Variants in SOX5 observed in about 807,000 individuals in gnomAD.
SOX5 encodes transcription factor SOX-5.
SOX5 carries 9 observed loss-of-function variants against 92.0 expected under a neutral mutation model. The observed-to-expected ratio is 0.10, with a 90% CI of 0.06 to 0.17. The LOEUF is 0.17. Ranked by LOEUF, SOX5 falls within the 10% of genes least tolerant of loss-of-function variation. The pLI, the probability that SOX5 is intolerant of heterozygous loss-of-function variation, is 1.00. For missense variants in SOX5, 642 were observed against 944.5 expected (o/e 0.68, Z 4.20); for synonymous variants, 344 against 336.3 (o/e 1.02, Z -0.25).
chr12:23,846,125 T>C lies in SOX5; in HGVS notation c.339A>G (p.Ala113=), dbSNP rs563794241. 1.4e-5 allele frequency: 22 copies of C among 1,614,158 alleles called. No homozygotes were observed. In the African/African-American group the frequency reaches 2.3e-4, roughly 17 times the overall value. ...CGCCACTCTGTCGCCCACCTTCTTC[T>C]GCCTTCTGAGGTGAGGTAGATGAGT... ...PHNSSTSPQK[A]EEGGRQSGES... The change falls in exon 3 of 15, where the codon GCA becomes GCG. Residue 113 remains alanine, a synonymous_variant. Transcript: ENST00000451604.
At chr12:23,834,325 A>G (rs1298265985) in intron 3 of SOX5, among the ~76,000 whole-genome samples, 1 of 151,970 alleles carries the variant, frequency 6.6e-6, no homozygotes, top group Non-Finnish European at 1.5e-5. Context: ...AGGGAGAACA[A>G]TAGGGTAGAG....
intron 6 of SOX5, among the ~76,000 whole-genome samples, chr12:23,722,844 A>G (rs1463426777): frequency 6.6e-6 from 1 of 152,180 alleles, no homozygotes; most frequent in Non-Finnish European, 1.5e-5. Flanking sequence ...AAGTGACTGT[A>G]GCTGTCAGTT....
At chr12:23,775,974 C>T (rs1167454245) in intron 3 of SOX5, among the ~76,000 whole-genome samples, 1 of 152,088 alleles carries the variant, frequency 6.6e-6, no homozygotes, top group Non-Finnish European at 1.5e-5. Flanking sequence ...GAGTGGGGAA[C>T]GATGGTTTCG....
intron 4 of SOX5, among the ~76,000 whole-genome samples, chr12:23,999,260 T>A (rs1276503971): frequency 6.6e-6 from 1 of 151,274 alleles, no homozygotes; most frequent in Admixed American, 6.6e-5. Flanking sequence ...AAAAAATGAA[T>A]GCTTAGAAGC....
chr12:24,016,671 A>T (rs1447345115), intron 4 of SOX5, among the ~76,000 whole-genome samples: 2 of 152,236 alleles, frequency 1.3e-5, no homozygotes, highest in African/African-American at 2.4e-5. Flanking sequence ...TGGGTATATC[A>T]CAACCCCAAA....
chr12:23,842,804 C>A (rs910154407), intron 3 of SOX5, among the ~76,000 whole-genome samples: 1 of 152,072 alleles, frequency 6.6e-6, no homozygotes, highest in African/African-American at 2.4e-5. Flanking sequence ...ATAAATCTCC[C>A]ATGTAGAAAA....
intron 11 of SOX5, among the ~76,000 whole-genome samples, chr12:23,559,287 A>C (rs1014841358): frequency 1.3e-5 from 2 of 152,202 alleles, no homozygotes; most frequent in East Asian, 1.9e-4. Context: ...CATACCTGAG[A>C]AGCTCACTTT....
At chr12:24,214,972 ACATAC>A (rs1215890524) in intron 3 of SOX5, among the ~76,000 whole-genome samples, 1 of 152,124 alleles carries the variant, frequency 6.6e-6, no homozygotes, top group African/African-American at 2.4e-5. Flanking sequence ...ATATCAAATA[ACATAC>A]CATACCATAT....
intron 3 of SOX5, among the ~76,000 whole-genome samples, chr12:23,815,156 T>C (rs185065820): frequency 2.6e-3 from 396 of 152,146 alleles, no homozygotes; most frequent in Middle Eastern, 0.01. Flanking sequence ...TCATAATCTA[T>C]ATAAAGCATG....
chr12:23,715,292 CAAAAT>C (rs373690969), intron 6 of SOX5, among the ~76,000 whole-genome samples: 3,185 of 147,928 alleles, frequency 0.022, 118 homozygotes, highest in African/African-American at 0.077. Flanking sequence ...GACTCCATCT[CAAAAT>C]AAAATAAAAT....
At chr12:23,937,797 A>G (rs974019838) in intron 1 of SOX5, among the ~76,000 whole-genome samples, 3 of 150,930 alleles carry the variant, frequency 2.0e-5, no homozygotes, top group Non-Finnish European at 3.0e-5. Flanking sequence ...TGCATTATTT[A>G]GCTGAAGAAA....
In SOX5 at chr12:24,479,996, T is replaced by C. The variant is rs555888763; in HGVS notation, c.-251+82333A>G. 2.3e-4 allele frequency among the ~76,000 whole-genome samples: 35 copies of C among 152,276 alleles called. No homozygotes were observed. The East Asian group carries it at 6.2e-3, about 27-fold the overall frequency. On this transcript the variant is annotated intron_variant, in intron 1 of 4. Coordinates refer to the SOX5 transcript ENST00000446891. ...GAATTATTTTAAAAACCATAATAGT[T>C]AATGCTTATTTGATATGTATTAAGC...
chr12:24,512,586 G>A (rs530707070), intron 1 of SOX5, among the ~76,000 whole-genome samples: 14 of 152,318 alleles, frequency 9.2e-5, no homozygotes, highest in African/African-American at 3.1e-4. Context: ...GAGTGGTGGA[G>A]AGTGCAATAC....
intron 1 of SOX5, among the ~76,000 whole-genome samples, chr12:23,927,948 A>C (rs1940427678): frequency 6.6e-6 from 1 of 152,090 alleles, no homozygotes. Context: ...AGAACCCAGA[A>C]GATTTAGTAG....
intron 2 of SOX5, among the ~76,000 whole-genome samples, chr12:23,876,625 T>C (rs989804535): frequency 2.6e-5 from 4 of 152,120 alleles, no homozygotes; most frequent in African/African-American, 9.7e-5. Flanking sequence ...GATCCAGCAA[T>C]CCCAATACCC....
At chr12:24,289,356 G>A (rs1273817517) in intron 2 of SOX5, among the ~76,000 whole-genome samples, 1 of 151,792 alleles carries the variant, frequency 6.6e-6, no homozygotes, top group African/African-American at 2.4e-5. Context: ...TTTCCATATT[G>A]ACAGACCATT....
At chr12:23,671,893 C>T (rs2084842870) in intron 6 of SOX5, among the ~76,000 whole-genome samples, 2 of 151,996 alleles carry the variant, frequency 1.3e-5, no homozygotes, top group South Asian at 4.2e-4. Context: ...AATGAACAGC[C>T]ATGTGGATTT....
At chr12:23,653,679 T>C (rs2139114567) in intron 7 of SOX5, among the ~76,000 whole-genome samples, 1 of 152,248 alleles carries the variant, frequency 6.6e-6, no homozygotes, top group Admixed American at 6.5e-5. Context: ...GCATTCTTTC[T>C]GTGTCCTCAC....
intron 4 of SOX5, among the ~76,000 whole-genome samples, chr12:23,979,547 C>T (rs1006439485): frequency 3.3e-5 from 5 of 151,558 alleles, no homozygotes; most frequent in African/African-American, 1.2e-4. Context: ...TATTATTTAA[C>T]TGTAGAACTG....
Sources: gnomAD v4.1 joint callset for allele counts (sites outside exome capture counted in the v4.1 genomes callset) on GRCh38, gnomAD v4.1.1 for gene constraint, MANE v1.5 for transcripts, NCBI Gene and HGNC (gene_info 2026-07-23, HGNC 2026-07-21) for gene names.